Variants in RBM20 observed in about 807,000 individuals in gnomAD.
The protein encoded by RBM20 is RNA-binding protein 20.
In RBM20, 51 loss-of-function variants were observed where a neutral mutation model predicts 110.1. That is an observed-to-expected ratio of 0.46 (90% confidence interval 0.37 to 0.59). The LOEUF is 0.59. Among genes scored for constraint, RBM20 ranks in the 20% least tolerant of loss-of-function variants. RBM20 has a pLI of 0.00. For synonymous variants in RBM20, 589 were observed against 618.2 expected (o/e 0.95, Z 0.70); for missense variants, 1,512 against 1,574.9 (o/e 0.96, Z 0.68).
rs1844344491 is a variant in RBM20, at chr10:110,781,405, C to T, written c.796C>T (p.His266Tyr). 6.4e-7 allele frequency: 1 copy of T among 1,551,560 alleles called. No homozygotes were observed. The highest frequency in any genetic ancestry group is 1.2e-5 in the South Asian group (1 of 84,064). Residue 266 changes from histidine to tyrosine, a missense_variant, in exon 2 of 14, where the codon CAC becomes TAC. By Grantham distance (83) the His-to-Tyr change is moderately conservative. Transcript: ENST00000369519. ...STSGSVTYEG[H>Y]YSHTGQDGQA... Reference sequence around the variant, plus strand: ...CTCGGGCAGTGTGACCTATGAAGGGCACTACAGCCACACAGGGCAGGATGG... The same window carrying T: ...CTCGGGCAGTGTGACCTATGAAGGGTACTACAGCCACACAGGGCAGGATGG...
chr10:110,690,060 C>T (rs1191059067), intron 1 of RBM20, among the ~76,000 whole-genome samples: 1 of 152,152 alleles, frequency 6.6e-6, no homozygotes, highest in African/African-American at 2.4e-5. Context: ...AAATAAACAA[C>T]TATGGCCTTT....
intron 1 of RBM20, among the ~76,000 whole-genome samples, chr10:110,646,200 C>T (rs7096012): frequency 0.99 from 150,327 of 152,356 alleles, 74,200 homozygotes; most frequent in East Asian, 1. Context: ...TTTTCTATTA[C>T]TTACTTTTAA....
chr10:110,767,133 C>G (rs1844104130), intron 1 of RBM20, among the ~76,000 whole-genome samples: 1 of 125,494 alleles, frequency 8.0e-6, no homozygotes, highest in African/African-American at 2.9e-5. Flanking sequence ...CCACCTCCCT[C>G]CCGGATGGGG....
chr10:110,783,538 A>C, intron 3 of RBM20, 111 bp downstream of exon 3: 1 of 800,040 alleles, frequency 1.2e-6, no homozygotes, highest in Non-Finnish European at 2.0e-6. Context: ...CAGAGACCAG[A>C]ACAGGCAAAG....
At chr10:110,770,672 A>C (rs1426277351) in intron 1 of RBM20, among the ~76,000 whole-genome samples, 1 of 152,266 alleles carries the variant, frequency 6.6e-6, no homozygotes, top group Non-Finnish European at 1.5e-5. Context: ...TTAATTCTTT[A>C]AAATTAATCC....
intron 1 of RBM20, among the ~76,000 whole-genome samples, chr10:110,743,904 C>T (rs1218869445): frequency 6.6e-6 from 1 of 152,216 alleles, no homozygotes; most frequent in Non-Finnish European, 1.5e-5. Flanking sequence ...GTGTGAGCCA[C>T]GGTGCCCAGC....
chr10:110,776,717 C>G (rs1844269499), intron 1 of RBM20, among the ~76,000 whole-genome samples: 3 of 152,234 alleles, frequency 2.0e-5, no homozygotes, highest in Non-Finnish European at 4.4e-5. Context: ...TCAATCATGT[C>G]TGCAAAGTCC....
chr10:110,716,369 A>G lies in RBM20; in HGVS notation c.192-64432A>G, dbSNP rs1297314383. ...CTGGCTTCTCCTGCTCTGTAGGCCTATATGGAGGCCCATTGACCAGGTCTC... is the reference window on the plus strand; with the variant it reads ...CTGGCTTCTCCTGCTCTGTAGGCCTGTATGGAGGCCCATTGACCAGGTCTC... On this transcript the variant is annotated intron_variant, in intron 1 of 13. Transcript: ENST00000369519. 2.6e-5 allele frequency among the ~76,000 whole-genome samples: 4 copies of G among 152,236 alleles called. No individual in the cohort carries two copies. The East Asian group carries it at 5.8e-4, about 22-fold the overall frequency.
chr10:110,799,888 G>A lies in RBM20; in HGVS notation c.1770G>A (p.Met590Ile), dbSNP rs1339579615. The A allele has an allele frequency of 1.3e-6, 2 of 1,552,090 alleles. No individual in the cohort carries two copies. Among genetic ancestry groups the A allele is most frequent in the South Asian group, 2.4e-5 (2 of 84,060 alleles). The change falls in exon 7 of 14, where the codon ATG becomes ATA. Residue 590 changes from methionine (M) to isoleucine (I), a missense_variant. By Grantham distance (10) the Met-to-Ile change is conservative. Around this residue, in one of 3 missense-constraint regions of RBM20, gnomAD observed 1,149 missense variants for 1,169.4 expected, o/e 0.98. Coordinates refer to ENST00000369519, the MANE Select transcript of RBM20 (RefSeq NM_001134363.3). ...VINGEKLLIR[M>I]SKRYKELQLK... ...ATGGTGAGAAGTTGCTCATTCGGAT[G>A]TCCAAGAGATACAAGGAATTGCAGC...
At chr10:110,726,627 T>C (rs1311451728) in intron 1 of RBM20, among the ~76,000 whole-genome samples, 2 of 152,202 alleles carry the variant, frequency 1.3e-5, no homozygotes, top group Non-Finnish European at 1.5e-5. Flanking sequence ...AATGACATTG[T>C]AGAAAAACTA....
At chr10:110,790,086 A>G (rs1423342537) in intron 5 of RBM20, among the ~76,000 whole-genome samples, 1 of 152,184 alleles carries the variant, frequency 6.6e-6, no homozygotes, top group African/African-American at 2.4e-5. Context: ...GACCCTGCAC[A>G]TTGGGGAACT....
Position 110,654,418 on chromosome 10 carries a change from T to G in RBM20, c.191+9773T>G, listed in dbSNP as rs752484233. ...TTCCATCTCTTGAGTTGCAGTGCTT[T>G]TAATGTCCATTTTAATGCTAATGGA... On this transcript the variant is annotated intron_variant, in intron 1 of 13. Transcript: ENST00000369519. Among the ~76,000 whole-genome samples, 5 of 152,234 alleles carry G rather than the reference T, an allele frequency of 3.3e-5. No individual in the cohort carries two copies. The East Asian group carries it at 9.6e-4, about 29-fold the overall frequency.
chr10:110,667,627 G>A (rs1011750812), intron 1 of RBM20, among the ~76,000 whole-genome samples: 1 of 152,170 alleles, frequency 6.6e-6, no homozygotes, highest in Admixed American at 6.5e-5. Context: ...GCCTCTTACA[G>A]CCAGAACCCA....
intron 1 of RBM20, among the ~76,000 whole-genome samples, chr10:110,778,200 A>G (rs922574250): frequency 6.6e-6 from 1 of 152,204 alleles, no homozygotes; most frequent in African/African-American, 2.4e-5. Context: ...CTCTTCCCCC[A>G]TATTTTAAAA....
chr10:110,832,483 G>A (rs1845069702), intron 13 of RBM20, among the ~76,000 whole-genome samples: 2 of 152,210 alleles, frequency 1.3e-5, no homozygotes, highest in East Asian at 1.9e-4. Flanking sequence ...GCAGATTGCA[G>A]GAATATGTAA....
At chr10:110,742,971 G>A (rs1413203729) in intron 1 of RBM20, among the ~76,000 whole-genome samples, 4 of 152,176 alleles carry the variant, frequency 2.6e-5, no homozygotes, top group East Asian at 3.8e-4. Flanking sequence ...CCCGGAAGGC[G>A]GCCCGGGCTG....
intron 1 of RBM20, among the ~76,000 whole-genome samples, chr10:110,718,627 T>TC: frequency 6.7e-6 from 1 of 149,032 alleles, no homozygotes; most frequent in Non-Finnish European, 1.5e-5. Flanking sequence ...TTTTTCTTTT[T>TC]TTTTTTTTTA....
intron 5 of RBM20, among the ~76,000 whole-genome samples, chr10:110,789,957 C>A (rs1404843172): frequency 1.3e-5 from 2 of 152,188 alleles, no homozygotes; most frequent in Non-Finnish European, 2.9e-5. Context: ...GTGTCTGTCC[C>A]TGTAAAGCCA....
chr10:110,713,525 A>G (rs1028643998), intron 1 of RBM20, among the ~76,000 whole-genome samples: 1 of 152,226 alleles, frequency 6.6e-6, no homozygotes, highest in African/African-American at 2.4e-5. Flanking sequence ...TTTGCACGCT[A>G]CAGGGGCAGA....
Sources: allele counts gnomAD v4.1 joint callset (sites outside exome capture counted in the v4.1 genomes callset), GRCh38; gene constraint gnomAD v4.1.1; regional missense constraint gnomAD v4.1.1; transcripts MANE v1.5; gene names NCBI Gene and HGNC (gene_info 2026-07-23, HGNC 2026-07-21).